Variants in PTPRD observed in about 807,000 individuals in gnomAD.
PTPRD encodes the protein receptor-type tyrosine-protein phosphatase delta.
In PTPRD, 34 loss-of-function variants were observed where a neutral mutation model predicts 214.5. The ratio of observed to expected loss-of-function variants is 0.16; its 90% CI spans 0.12 to 0.21. The LOEUF (loss-of-function observed/expected upper bound fraction) is 0.21, where lower values mean the gene tolerates loss of function less well. PTPRD is among the 10% of genes least tolerant of loss of function. The pLI is 1.00. For synonymous variants in PTPRD, 1,128 were observed against 845.7 expected, an observed-to-expected ratio of 1.33 and a Z score of -5.79; for missense variants, 2,545 against 2,398.7, an observed-to-expected ratio of 1.06 and a Z score of -1.27.
intron 14 of PTPRD, among the ~76,000 whole-genome samples, chr9:8,547,033 A>G (rs1341709599): frequency 6.6e-6 from 1 of 152,180 alleles, no homozygotes; most frequent in Non-Finnish European, 1.5e-5. Flanking sequence ...CTGTCATACC[A>G]TTTTATCTTG....
chr9:9,649,599 C>T (rs1349369593), intron 7 of PTPRD, among the ~76,000 whole-genome samples: 3 of 152,192 alleles, frequency 2.0e-5, no homozygotes, highest in African/African-American at 7.2e-5. Flanking sequence ...CTAAATATCA[C>T]TGCCTTAGAG....
chr9:8,772,722 G>T (rs771255314), intron 11 of PTPRD, among the ~76,000 whole-genome samples: 5 of 151,758 alleles, frequency 3.3e-5, no homozygotes, highest in Non-Finnish European at 7.4e-5. Context: ...TGTCAATTCT[G>T]AGTCAGTTTC....
intron 11 of PTPRD, chr9:8,935,959 G>A (rs943006845): frequency 2.6e-5 from 4 of 152,140 alleles, no homozygotes; most frequent in African/African-American, 7.2e-5. Context: ...TTTTTCCTCA[G>A]TTTTAATATA....
rs2098710755 is a variant in PTPRD at position 8,906,783 on chromosome 9, A to G, written c.-104+111914T>C. Among the ~76,000 whole-genome samples the G allele has an allele frequency of 2.6e-5, 4 of 152,006 alleles. No homozygotes were observed. The South Asian group carries it at 8.3e-4, about 32-fold the overall frequency. On this transcript the variant is annotated intron_variant, in intron 11 of 45. Coordinates refer to ENST00000381196, the MANE Select transcript of PTPRD (RefSeq NM_002839.4). ...TAGCCTAAATTGTGGTCTTTTCGGC[A>G]GACTATATGACTATCCAGACGTTTA...
intron 3 of PTPRD, among the ~76,000 whole-genome samples, chr9:10,128,583 A>C (rs1189680108): frequency 3.3e-5 from 5 of 152,098 alleles, no homozygotes; most frequent in Admixed American, 6.6e-5. Flanking sequence ...CGAGACCATA[A>C]ATTTCTGTTG....
At chr9:8,768,894 G>C (rs948767595) in intron 11 of PTPRD, among the ~76,000 whole-genome samples, 1 of 152,140 alleles carries the variant, frequency 6.6e-6, no homozygotes, top group Non-Finnish European at 1.5e-5. Flanking sequence ...CAAGGGACTA[G>C]TACACTGACT....
intron 5 of PTPRD, among the ~76,000 whole-genome samples, chr9:9,833,185 C>A (rs963185566): frequency 6.6e-6 from 1 of 151,870 alleles, no homozygotes; most frequent in Admixed American, 6.6e-5. Context: ...GGACCTGCCC[C>A]GATAATCACA....
intron 9 of PTPRD, among the ~76,000 whole-genome samples, chr9:9,214,254 G>A (rs931154211): frequency 6.6e-6 from 1 of 152,178 alleles, no homozygotes; most frequent in Non-Finnish European, 1.5e-5. Context: ...ATGCCCTCCA[G>A]CTAGTGTGTT....
chr9:8,664,542 G>C (rs2097132344), intron 12 of PTPRD, among the ~76,000 whole-genome samples: 1 of 152,118 alleles, frequency 6.6e-6, no homozygotes, highest in South Asian at 2.1e-4. Flanking sequence ...CAATGTGATA[G>C]ATCAGCCAAG....
chr9:8,955,154 A>G (rs2099124444), intron 11 of PTPRD, among the ~76,000 whole-genome samples: 1 of 151,950 alleles, frequency 6.6e-6, no homozygotes, highest in Non-Finnish European at 1.5e-5. Context: ...CTTAAAAAAT[A>G]TGAAGAGCTA....
chr9:9,788,551 CA>C (rs371559861), intron 5 of PTPRD, among the ~76,000 whole-genome samples: 33 of 117,408 alleles, frequency 2.8e-4, no homozygotes, highest in African/African-American at 4.3e-4. Flanking sequence ...AGCTCCGTCT[CA>C]AAAAAAAAAA....
chr9:9,420,989 G>A (rs561286673), intron 8 of PTPRD, among the ~76,000 whole-genome samples: 63 of 151,714 alleles, frequency 4.2e-4, no homozygotes, highest in Non-Finnish European at 3.7e-4. Context: ...CTGCCATTTG[G>A]TTGTGCATGC....
At chr9:9,328,175 T>C (rs184260124) in intron 9 of PTPRD, among the ~76,000 whole-genome samples, 1 of 152,262 alleles carries the variant, frequency 6.6e-6, no homozygotes, top group African/African-American at 2.4e-5. Context: ...GCAAAAAAGT[T>C]GAGTTTTTAA....
At chr9:9,979,334 C>T (rs993792663) in intron 4 of PTPRD, among the ~76,000 whole-genome samples, 1 of 151,868 alleles carries the variant, frequency 6.6e-6, no homozygotes, top group African/African-American at 2.4e-5. Flanking sequence ...GAATAATTTT[C>T]TTAAACCCAA....
chr9:9,231,189 T>C (rs1461809064), intron 9 of PTPRD, among the ~76,000 whole-genome samples: 1 of 152,126 alleles, frequency 6.6e-6, no homozygotes, highest in Non-Finnish European at 1.5e-5. Context: ...TAAAAGATAG[T>C]CTCAGTACAG....
chr9:9,275,294 C>A (rs1401438408), intron 9 of PTPRD, among the ~76,000 whole-genome samples: 1 of 135,372 alleles, frequency 7.4e-6, no homozygotes, highest in African/African-American at 2.8e-5. Flanking sequence ...ATCAGTTTTG[C>A]CAATTTAAAA....
intron 2 of PTPRD, among the ~76,000 whole-genome samples, chr9:10,418,003 C>T (rs918370132): frequency 1.3e-5 from 2 of 150,930 alleles, no homozygotes; most frequent in Non-Finnish European, 3.0e-5. Flanking sequence ...AATGACATCT[C>T]CTAAAGCAGA....
At chr9:10,276,398 C>T (rs1478930180) in intron 3 of PTPRD, among the ~76,000 whole-genome samples, 2 of 152,140 alleles carry the variant, frequency 1.3e-5, no homozygotes, top group African/African-American at 4.8e-5. Context: ...TAAAAGAGAA[C>T]TCAGTTGAAA....
intron 3 of PTPRD, among the ~76,000 whole-genome samples, chr9:10,071,198 A>T (rs924863622): frequency 6.6e-6 from 1 of 152,066 alleles, no homozygotes; most frequent in Admixed American, 6.6e-5. Flanking sequence ...TTTTCCCTAC[A>T]TGAATATAGA....
Sources: gnomAD v4.1 joint callset for allele counts (sites outside exome capture counted in the v4.1 genomes callset) on GRCh38, gnomAD v4.1.1 for gene constraint, MANE v1.5 for transcripts, NCBI Gene and HGNC (gene_info 2026-07-23, HGNC 2026-07-21) for gene names.